The following WWP2 variants were observed in gnomAD, a reference collection of about 807,000 sequenced individuals.
WWP2 encodes the protein NEDD4-like E3 ubiquitin-protein ligase WWP2.
WWP2 carries 57 observed loss-of-function variants against 121.0 expected under a neutral mutation model. The ratio of observed to expected loss-of-function variants is 0.47; its 90% CI spans 0.38 to 0.59. WWP2 has a LOEUF of 0.59. Ranked by LOEUF, WWP2 falls within the 20% of genes least tolerant of loss-of-function variation. The pLI is 0.00. For synonymous variants in WWP2, 449 were observed against 441.3 expected (o/e 1.02, Z -0.22); for missense variants, 962 against 1,158.9 (o/e 0.83, Z 2.47).
intron 6 of WWP2, 111 bp downstream of exon 6, chr16:69,842,231 A>G (rs2056992619): frequency 9.5e-7 from 1 of 1,058,062 alleles, no homozygotes; most frequent in South Asian, 1.5e-5. Flanking sequence ...GGAGATTTCC[A>G]GAGATCTTGT....
Position 69,939,835 on chromosome 16 carries a change from C to G in WWP2, c.2514-6C>G, listed in dbSNP as rs2058854970. On this transcript the variant is annotated splice_polypyrimidine_tract_variant and splice_region_variant and intron_variant, in intron 23 of 23. Coordinates refer to ENST00000359154, the MANE Select transcript of WWP2 (RefSeq NM_001270454.2). ...GCTGACTGTCGTGCTTCCCCACTCT[C>G]AATAGCTTCAACCGTCTGGATCTTC... 13 of 1,612,532 alleles carry G rather than the reference C, an allele frequency of 8.1e-6. No individual in the cohort carries two copies. Among genetic ancestry groups the G allele is most frequent in the East Asian group, 2.2e-5 (1 of 44,862 alleles).
chr16:69,894,053 G>A (rs538642824), intron 8 of WWP2, among the ~76,000 whole-genome samples: 3 of 151,830 alleles, frequency 2.0e-5, no homozygotes, highest in African/African-American at 7.2e-5. Context: ...GGATCTCATG[G>A]CTGTATTTTT....
intron 6 of WWP2, among the ~76,000 whole-genome samples, chr16:69,868,105 C>G (rs2057561381): frequency 6.6e-6 from 1 of 152,136 alleles, no homozygotes; most frequent in South Asian, 2.1e-4. Flanking sequence ...AAAGGTAACA[C>G]AAGAGCCAAA....
chr16:69,780,333 A>G (rs1567659957), intron 1 of WWP2, among the ~76,000 whole-genome samples: 1 of 151,846 alleles, frequency 6.6e-6, no homozygotes, highest in African/African-American at 2.4e-5. Context: ...TTCAGGTACT[A>G]TATAGCATTC....
intron 10 of WWP2, among the ~76,000 whole-genome samples, chr16:69,918,865 A>G (rs1254944579): frequency 1.4e-5 from 2 of 138,516 alleles, no homozygotes; most frequent in East Asian, 2.1e-4. Flanking sequence ...TTTTTTTGAG[A>G]TGGAGTCTTG....
intron 7 of WWP2, among the ~76,000 whole-genome samples, chr16:69,880,839 T>C (rs1377172865): frequency 2.6e-5 from 4 of 152,214 alleles, no homozygotes; most frequent in Non-Finnish European, 5.9e-5. Flanking sequence ...TGGTGCTGGC[T>C]TTCTACGTGC....
rs113694739 is a variant in WWP2, at chr16:69,798,608, C to T, written c.71-74C>T. 7,833 of 1,492,132 alleles carry T rather than the reference C, an allele frequency of 5.2e-3. 71 individuals carry two copies. Among genetic ancestry groups the T allele is most frequent in the African/African-American group, 0.036 (2,558 of 71,510 alleles). The allele number at this position is 1,492,132 out of a possible 1,614,324, so 92.4% of individuals were successfully genotyped here. ...TTTTAAAGCAATAACTAAAAAGAGC[C>T]GGAACATCTGCCACAGGGGGGCATC... On this transcript the variant is annotated intron_variant, in intron 2 of 23. Transcript: ENST00000359154.
intron 4 of WWP2, among the ~76,000 whole-genome samples, chr16:69,802,069 A>G (rs1445074961): frequency 6.6e-6 from 1 of 151,878 alleles, no homozygotes; most frequent in Non-Finnish European, 1.5e-5. Context: ...AGCTGGGACT[A>G]CAGGCACCCA....
At chr16:69,797,837 G>A (rs1269495263) in intron 2 of WWP2, among the ~76,000 whole-genome samples, 2 of 152,064 alleles carry the variant, frequency 1.3e-5, no homozygotes, top group East Asian at 1.9e-4. Flanking sequence ...GCAGTGAGCC[G>A]AGATTGTGGC....
In WWP2 at chr16:69,917,759, A is replaced by G. The variant is rs772514474; in HGVS notation, c.1055A>G (p.Asn352Ser). 4 of 1,613,578 alleles carry G rather than the reference A, an allele frequency of 2.5e-6. No individual in the cohort carries two copies. The African/African-American group carries it at 5.3e-5, about 22-fold the overall frequency. The change falls in exon 10 of 24, where the codon AAT (asparagine) becomes AGT (serine). Residue 352 changes from asparagine to serine, a missense_variant. Around this residue, in one of 3 missense-constraint regions of WWP2, gnomAD observed 606 missense variants for 772.6 expected, o/e 0.78. Transcript: ENST00000359154. ...PRGRFYYVDH[N>S]TRTTTWQRPT... ...GGCAGGTTTTACTATGTGGATCACA[A>G]TACTCGGACCACCACCTGGCAGCGT...
chr16:69,820,003 G>A (rs538334171), intron 4 of WWP2, among the ~76,000 whole-genome samples: 2 of 152,232 alleles, frequency 1.3e-5, no homozygotes, highest in South Asian at 4.2e-4. Flanking sequence ...GCATTAAGAG[G>A]CTGAGGCGGG....
chr16:69,818,124 T>G (rs2056529679), intron 4 of WWP2, among the ~76,000 whole-genome samples: 1 of 152,084 alleles, frequency 6.6e-6, no homozygotes, highest in African/African-American at 2.4e-5. Context: ...CTTACCTTAG[T>G]CTGTTAGGCA....
Position 69,925,185 on chromosome 16 carries a change from G to T in WWP2, c.1180-245G>T. The T allele has an allele frequency of 7.5e-7, 1 of 1,330,334 alleles. No individual in the cohort carries two copies. The highest frequency in any genetic ancestry group is 9.6e-7 in the Non-Finnish European group (1 of 1,038,720). The allele number at this position is 1,330,334 out of a possible 1,614,324, so 82.4% of individuals were successfully genotyped here. On this transcript the variant is annotated intron_variant, in intron 10 of 23. Coordinates refer to ENST00000359154, the MANE Select transcript of WWP2 (RefSeq NM_001270454.2). This position sits in a 1 kb window ranked among gnomAD's most constrained non-coding sequence, Gnocchi z 4.0. ...CGTACCGCCTCCTCCCCGTCGCTCT[G>T]CCTTTTCCAAAACTCACTTGGGCCC... is the stretch of plus-strand genomic sequence containing the variant.
Position 69,925,471 on chromosome 16 carries a change from C to T in WWP2, c.1221C>T (p.Leu407=), listed in dbSNP as rs1211197544. The T allele has an allele frequency of 2.9e-5, 46 of 1,614,002 alleles. No individual in the cohort carries two copies. Among genetic ancestry groups the T allele is most frequent in the Non-Finnish European group, 3.8e-5 (45 of 1,179,996 alleles). The part of the protein sequence containing the change: ...ASTDHDPLGP[L]PPGWEKRQDN... ...CTGACCATGATCCCCTGGGCCCCCT[C>T]CCTCCTGGCTGGGGTAAGTACTGAG... The change falls in exon 11 of 24, where the codon CTC becomes CTT. Residue 407 remains leucine, a synonymous_variant. Transcript: ENST00000359154. This position sits in a 1 kb window ranked among gnomAD's most constrained non-coding sequence, Gnocchi z 4.0.
intron 1 of WWP2, among the ~76,000 whole-genome samples, chr16:69,779,074 C>CA (rs2151781717): frequency 6.6e-6 from 1 of 152,170 alleles, no homozygotes; most frequent in South Asian, 2.1e-4. Context: ...CTCAGCCTCC[C>CA]AAGCAGCTGG....
intron 8 of WWP2, among the ~76,000 whole-genome samples, chr16:69,898,534 T>C (rs1302020362): frequency 1.3e-5 from 2 of 152,228 alleles, no homozygotes; most frequent in Admixed American, 1.3e-4. Context: ...GGTACATCTT[T>C]GAGGATTCAG....
intron 6 of WWP2, among the ~76,000 whole-genome samples, chr16:69,867,199 A>G (rs531576651): frequency 1.3e-5 from 2 of 150,384 alleles, no homozygotes; most frequent in Admixed American, 6.6e-5. Flanking sequence ...ATTACTCCAC[A>G]TGATCTGTTG....
intron 9 of WWP2, among the ~76,000 whole-genome samples, chr16:69,915,205 C>T (rs2058461714): frequency 1.3e-5 from 2 of 152,188 alleles, no homozygotes; most frequent in Non-Finnish European, 2.9e-5. Flanking sequence ...AAGTTCTCAC[C>T]TCCAGAAAAA....
At chr16:69,895,635 C>A (rs947517362) in intron 8 of WWP2, among the ~76,000 whole-genome samples, 2 of 152,120 alleles carry the variant, frequency 1.3e-5, no homozygotes, top group African/African-American at 4.8e-5. Flanking sequence ...CTGTGTGCAC[C>A]TGTGATCCTA....
Sources: gnomAD v4.1 joint callset for allele counts (sites outside exome capture counted in the v4.1 genomes callset) on GRCh38, gnomAD v4.1.1 for gene constraint, gnomAD v4.1.1 regional missense constraint, Gnocchi (gnomAD v3.1) non-coding constraint, MANE v1.5 for transcripts, NCBI Gene and HGNC (gene_info 2026-07-23, HGNC 2026-07-21) for gene names.